The following MSTO1 variants were observed in gnomAD, a reference collection of about 807,000 sequenced individuals.
The protein encoded by MSTO1 is protein misato homolog 1.
Under a neutral mutation model 55.7 loss-of-function variants are expected in MSTO1, and 24 were observed. That is an observed-to-expected ratio of 0.43 (90% CI 0.31 to 0.61). The LOEUF is 0.61. Ranked by LOEUF, MSTO1 falls within the 20% of genes least tolerant of loss-of-function variation. The pLI is 0.09. For missense variants in MSTO1, 363 were observed against 625.7 expected (o/e 0.58, Z 4.48); for synonymous variants, 162 against 252.8 (o/e 0.64, Z 3.41).
At chr1:155,583,800 T>C in the MSTO1 span, among the ~76,000 whole-genome samples, 1 of 152,156 alleles carries the variant, frequency 6.6e-6, no homozygotes, top group Non-Finnish European at 1.5e-5. Context: ...TCCTCTCCAG[T>C]ACCCAGCCTG....
chr1:155,573,059 A>G, the MSTO1 span, among the ~76,000 whole-genome samples: 1 of 152,136 alleles, frequency 6.6e-6, no homozygotes, highest in African/African-American at 2.4e-5. Flanking sequence ...ATGTATACTG[A>G]ATGTTTAATT....
chr1:155,584,916 TTTTGTTTG>T, the MSTO1 span, among the ~76,000 whole-genome samples: 28 of 147,558 alleles, frequency 1.9e-4, no homozygotes, highest in African/African-American at 5.7e-4. Flanking sequence ...TTTTTTTTTG[TTTTGTTTG>T]TTTGTTTGTT....
At chr1:155,597,874 T>C in the MSTO1 span, among the ~76,000 whole-genome samples, 2 of 151,854 alleles carry the variant, frequency 1.3e-5, no homozygotes, top group African/African-American at 4.8e-5. Context: ...TGGAGTGCCG[T>C]GGCGCGATCT....
the MSTO1 span, among the ~76,000 whole-genome samples, chr1:155,597,993 T>A: frequency 6.6e-6 from 1 of 151,702 alleles, no homozygotes; most frequent in African/African-American, 2.4e-5. Flanking sequence ...ATTTTTTGTA[T>A]TTTTAGTAGA....
chr1:155,597,676 A>AT, the MSTO1 span, among the ~76,000 whole-genome samples: 14 of 146,248 alleles, frequency 9.6e-5, no homozygotes, highest in South Asian at 6.6e-4. Context: ...CGCCTGGCTA[A>AT]TTTTTGTATT....
chr1:155,563,855 A>C, the MSTO1 span: 1 of 329,238 alleles, frequency 3.0e-6, no homozygotes, highest in Admixed American at 4.4e-5. Context: ...CCGTGTTGTC[A>C]TTTACAGTTC....
chr1:155,600,719 T>C, the MSTO1 span, among the ~76,000 whole-genome samples: 1 of 152,160 alleles, frequency 6.6e-6, no homozygotes, highest in Non-Finnish European at 1.5e-5. Flanking sequence ...GGCTAATTTC[T>C]GTATTTTTAG....
chr1:155,567,135 T>TC, the MSTO1 span, among the ~76,000 whole-genome samples: 1 of 151,798 alleles, frequency 6.6e-6, no homozygotes, highest in Non-Finnish European at 1.5e-5. Context: ...TTGGTTTTTT[T>TC]TTTTTCCCCA....
the MSTO1 span, among the ~76,000 whole-genome samples, chr1:155,578,445 T>G: frequency 6.9e-6 from 1 of 144,502 alleles, no homozygotes; most frequent in Non-Finnish European, 1.5e-5. Flanking sequence ...TTCACGTGAT[T>G]CTTGTGCCTC....
the MSTO1 span, among the ~76,000 whole-genome samples, chr1:155,590,170 A>G: frequency 6.6e-6 from 1 of 151,914 alleles, no homozygotes; most frequent in Admixed American, 6.6e-5. Flanking sequence ...TTGCTTTTCC[A>G]TGGGTGAAGA....
At chr1:155,580,401 G>T in the MSTO1 span, among the ~76,000 whole-genome samples, 1 of 152,024 alleles carries the variant, frequency 6.6e-6, no homozygotes, top group Non-Finnish European at 1.5e-5. Flanking sequence ...CAGGCGTGGT[G>T]GTGTGCACCT....
chr1:155,585,842 T>C, the MSTO1 span, among the ~76,000 whole-genome samples: 1 of 152,182 alleles, frequency 6.6e-6, no homozygotes, highest in Non-Finnish European at 1.5e-5. Context: ...GTAACCATTA[T>C]TCTATTTGTT....
rs1362800658 is a variant in MSTO1, at chr1:155,612,529, C to T, written c.925C>T (p.Arg309Ter). 1.2e-6 allele frequency: 2 copies of T among 1,613,252 alleles called. No homozygotes were observed. Among genetic ancestry groups the T allele is most frequent in the Non-Finnish European group, 1.7e-6 (2 of 1,179,926 alleles). The change falls in exon 9 of 14, where the codon CGA (arginine) becomes TGA (stop). Residue 309 changes from arginine to a stop codon, truncating the protein, a stop_gained. Coordinates refer to ENST00000245564, the MANE Select transcript of MSTO1 (RefSeq NM_018116.4). LOFTEE classifies it high-confidence loss of function. Reference sequence around the variant, plus strand: ...GTCCTTGGGTGGGAGCCTGGGCCTGCGACCCGAGCCACCTGTCAGCTTCCC... The same window carrying T: ...GTCCTTGGGTGGGAGCCTGGGCCTGTGACCCGAGCCACCTGTCAGCTTCCC... ...PLSLGGSLGL[R>*]PEPPVSFPYL...
upstream of MSTO1, among the ~76,000 whole-genome samples, chr1:155,609,297 G>A (rs1245088199): frequency 7.8e-6 from 1 of 127,548 alleles, no homozygotes. Context: ...CCAGGATGGA[G>A]TGCATTGGCG....
At chr1:155,584,329 A>G in the MSTO1 span, among the ~76,000 whole-genome samples, 1 of 152,182 alleles carries the variant, frequency 6.6e-6, no homozygotes, top group East Asian at 1.9e-4. Context: ...ACTGTACTCC[A>G]GCCTAGGTGG....
At chr1:155,578,167 C>G in the MSTO1 span, among the ~76,000 whole-genome samples, 1 of 151,666 alleles carries the variant, frequency 6.6e-6, no homozygotes, top group Non-Finnish European at 1.5e-5. Flanking sequence ...GATGGAGTTA[C>G]AAAAGTCGCT....
At chr1:155,568,409 T>G in the MSTO1 span, among the ~76,000 whole-genome samples, 5 of 149,354 alleles carry the variant, frequency 3.3e-5, no homozygotes, top group Non-Finnish European at 7.4e-5. Flanking sequence ...CGGAAGAAAT[T>G]TGAGATTTTT....
At chr1:155,569,293 G>A in the MSTO1 span, among the ~76,000 whole-genome samples, 18 of 150,712 alleles carry the variant, frequency 1.2e-4, no homozygotes, top group Admixed American at 3.3e-4. Flanking sequence ...CCGCCACCAC[G>A]CCCAGCTAAT....
chr1:155,586,800 C>T, the MSTO1 span: 24 of 332,236 alleles, frequency 7.2e-5, no homozygotes, highest in African/African-American at 3.9e-4. Flanking sequence ...CTGGCTGGAG[C>T]GCAGTGGCGC....
Sources: allele counts gnomAD v4.1 joint callset (sites outside exome capture counted in the v4.1 genomes callset), GRCh38; gene constraint gnomAD v4.1.1; transcripts MANE v1.5; gene names NCBI Gene and HGNC (gene_info 2026-07-23, HGNC 2026-07-21).